RBPMS: variants seen among roughly 807,000 people sequenced by gnomAD.
RBPMS encodes the protein RNA binding protein, mRNA processing factor.
In RBPMS, 7 loss-of-function variants were observed where a neutral mutation model predicts 26.8. The observed-to-expected ratio is 0.26, with a 90% CI of 0.15 to 0.49. The LOEUF (loss-of-function observed/expected upper bound fraction) is 0.49, where lower values mean the gene tolerates loss of function less well. Among genes scored for constraint, RBPMS ranks in the 20% least tolerant of loss-of-function variants. RBPMS has a pLI of 0.98. For missense variants in RBPMS, 186 were observed against 250.0 expected (o/e 0.74, Z 1.73); for synonymous variants, 96 against 93.3 (o/e 1.03, Z -0.17).
At chr8:30,410,362 A>T (rs998427992) in intron 1 of RBPMS, among the ~76,000 whole-genome samples, 3 of 151,778 alleles carry the variant, frequency 2.0e-5, no homozygotes, top group Non-Finnish European at 4.4e-5. Flanking sequence ...GCACGTGCCA[A>T]CATGCCCGGC....
chr8:30,566,918 C>G (rs1033103158), intron 8 of RBPMS, among the ~76,000 whole-genome samples: 1 of 152,108 alleles, frequency 6.6e-6, no homozygotes, highest in African/African-American at 2.4e-5. Context: ...ATGGTTTTAG[C>G]TTAGTAGTTC....
At chr8:30,443,512 G>T (rs1284553916) in intron 1 of RBPMS, among the ~76,000 whole-genome samples, 1 of 152,106 alleles carries the variant, frequency 6.6e-6, no homozygotes, top group East Asian at 1.9e-4. Context: ...TTGTGGTAGG[G>T]GGAATTGGGT....
rs550139380 is a variant in RBPMS, at chr8:30,571,867, A to G, written c.*1342A>G. The G allele has an allele frequency of 6.6e-6, 1 of 152,234 alleles. No individual in the cohort carries two copies. Among genetic ancestry groups the G allele is most frequent in the African/African-American group, 2.4e-5 (1 of 41,486 alleles). 9.4% of individuals were successfully genotyped at this position (152,234 alleles called of 1,614,324 possible). A position where few individuals can be genotyped will look rare whatever the true frequency, so the allele number is the denominator to read the frequency against. On this transcript the variant is annotated 3_prime_UTR_variant, in exon 9 of 9. Transcript: ENST00000397323. ...ACTGACCTAAATTCAGCTGCCAAACACAGTCTTTCCTATTGATCCGCTCGG... is the reference window on the plus strand; with the variant it reads ...ACTGACCTAAATTCAGCTGCCAAACGCAGTCTTTCCTATTGATCCGCTCGG...
intron 1 of RBPMS, among the ~76,000 whole-genome samples, chr8:30,464,657 C>G (rs1224658774): frequency 6.6e-6 from 1 of 152,120 alleles, no homozygotes; most frequent in African/African-American, 2.4e-5. Flanking sequence ...TCTGTGTTGT[C>G]TGGGTTAGTT....
At chr8:30,515,106 G>A (rs1239904566) in intron 5 of RBPMS, among the ~76,000 whole-genome samples, 1 of 152,008 alleles carries the variant, frequency 6.6e-6, no homozygotes, top group African/African-American at 2.4e-5. Context: ...AGAGTAGCTG[G>A]GACTACAGGT....
intron 1 of RBPMS, among the ~76,000 whole-genome samples, chr8:30,411,977 C>G (rs1809488667): frequency 7.9e-6 from 1 of 126,858 alleles, no homozygotes; most frequent in Admixed American, 8.0e-5. Flanking sequence ...TAGAGTGAGA[C>G]TTCGTCTCAA....
intron 1 of RBPMS, among the ~76,000 whole-genome samples, chr8:30,387,594 T>TA (rs1412474257): frequency 1.3e-4 from 20 of 152,118 alleles, no homozygotes; most frequent in Non-Finnish European, 4.4e-5. Context: ...ACAACATAGA[T>TA]ATATACACGT....
chr8:30,387,749 C>T (rs2150531676), intron 1 of RBPMS, among the ~76,000 whole-genome samples: 1 of 152,230 alleles, frequency 6.6e-6, no homozygotes, highest in South Asian at 2.1e-4. Flanking sequence ...ATTGTAGAAC[C>T]CAAGTTTGTT....
chr8:30,515,042 G>A lies in RBPMS; in HGVS notation c.397+10606G>A, dbSNP rs137932943. Among the ~76,000 whole-genome samples, 509 of 151,844 alleles carry A rather than the reference G, an allele frequency of 3.4e-3. 3 individuals are homozygous for A. Among genetic ancestry groups the A allele is most frequent in the Admixed American group, 5.6e-3 (86 of 15,232 alleles). ...TGTCTCACTCTGTTGCCAGTGGTTC[G>A]ATCATAGCCTCAAACTCCTCCCAGG... On this transcript the variant is annotated intron_variant, in intron 5 of 8. Coordinates refer to ENST00000397323, the MANE Select transcript of RBPMS (RefSeq NM_001008710.3).
In RBPMS at chr8:30,465,220, A is replaced by G. The variant is rs570620337; in HGVS notation, c.67-9559A>G. 2.6e-5 allele frequency among the ~76,000 whole-genome samples: 4 copies of G among 152,266 alleles called. No individual in the cohort carries two copies. In the South Asian group the frequency reaches 6.2e-4, roughly 24 times the overall value. On this transcript the variant is annotated intron_variant, in intron 1 of 8. Coordinates refer to ENST00000397323, the MANE Select transcript of RBPMS (RefSeq NM_001008710.3). ...CAGTGAATTTCCTAATATCAAGGTT[A>G]AGTTCTCTCATGTATACACACATAT...
chr8:30,450,923 ATCTG>A (rs1224574551), intron 1 of RBPMS, among the ~76,000 whole-genome samples: 1 of 152,102 alleles, frequency 6.6e-6, no homozygotes, highest in Non-Finnish European at 1.5e-5. Context: ...GCAGATATAT[ATCTG>A]GTAAAAATCC....
intron 7 of RBPMS, among the ~76,000 whole-genome samples, chr8:30,562,344 A>G (rs1366329018): frequency 1.3e-5 from 2 of 150,438 alleles, no homozygotes; most frequent in Non-Finnish European, 3.0e-5. Flanking sequence ...AAAAAAAAAA[A>G]GAGTATGTAA....
chr8:30,555,915 C>A (rs1307494179), intron 6 of RBPMS: 2 of 984,666 alleles, frequency 2.0e-6, no homozygotes, highest in Non-Finnish European at 2.4e-6. Context: ...TTCCCCCCCA[C>A]CGGGCCGGCT....
chr8:30,558,838 G>A, intron 6 of RBPMS, 49 bp from the exon 7 acceptor site: 1 of 1,491,640 alleles, frequency 6.7e-7, no homozygotes, highest in Non-Finnish European at 9.4e-7. Flanking sequence ...GTGAGAATGG[G>A]GATATGCTGG....
intron 6 of RBPMS, among the ~76,000 whole-genome samples, chr8:30,550,842 A>G (rs775282926): frequency 2.0e-5 from 3 of 152,318 alleles, no homozygotes; most frequent in Admixed American, 6.5e-5. Flanking sequence ...GGGCAGCTGA[A>G]TCCCAGCGAC....
chr8:30,528,597 A>C (rs1823862582), intron 5 of RBPMS, among the ~76,000 whole-genome samples: 1 of 152,158 alleles, frequency 6.6e-6, no homozygotes, highest in Admixed American at 6.5e-5. Flanking sequence ...AGCAGCTGTT[A>C]CTCATTCAAG....
chr8:30,515,984 G>A lies in RBPMS; in HGVS notation c.397+11548G>A, dbSNP rs548947139. Among the ~76,000 whole-genome samples the A allele has an allele frequency of 6.6e-5, 10 of 152,240 alleles. 2 individuals are homozygous for A. Among genetic ancestry groups the A allele is most frequent in the African/African-American group, 2.4e-4 (10 of 41,544 alleles). On this transcript the variant is annotated intron_variant, in intron 5 of 8. Transcript: ENST00000397323. ...TTTAACTTCAAAAGTTTATAACATG[G>A]TACAAAACCACACAAAAGTTCTTTT...
At chr8:30,493,702 T>C (rs1439082873) in intron 4 of RBPMS, among the ~76,000 whole-genome samples, 1 of 152,186 alleles carries the variant, frequency 6.6e-6, no homozygotes, top group Non-Finnish European at 1.5e-5. Flanking sequence ...AACAGCCCTT[T>C]CCTATCATTG....
chr8:30,384,782 C>T lies in RBPMS; in HGVS notation c.-311C>T, dbSNP rs927256868. 9 of 272,614 alleles carry T rather than the reference C, an allele frequency of 3.3e-5. No homozygotes were observed. Among genetic ancestry groups the T allele is most frequent in the Admixed American group, 2.2e-4 (4 of 18,242 alleles). The allele number at this position is 272,614 out of a possible 1,614,324, so 16.9% of individuals were successfully genotyped here. Reference sequence around the variant, plus strand: ...CCTTCCTTCTTCCTTCCTCCCCTGGCTCCCGCCCTCCCTCTCCAGGTCGCC... The same window carrying T: ...CCTTCCTTCTTCCTTCCTCCCCTGGTTCCCGCCCTCCCTCTCCAGGTCGCC... On this transcript the variant is annotated 5_prime_UTR_variant, in exon 1 of 9. Transcript: ENST00000397323. This position sits in a 1 kb window ranked among gnomAD's most constrained non-coding sequence, Gnocchi z 5.6.
Sources: allele counts gnomAD v4.1 joint callset (sites outside exome capture counted in the v4.1 genomes callset), GRCh38; gene constraint gnomAD v4.1.1; non-coding constraint Gnocchi (gnomAD v3.1); transcripts MANE v1.5; gene names NCBI Gene and HGNC (gene_info 2026-07-23, HGNC 2026-07-21).